Variants in DNAH11 observed in about 807,000 individuals in gnomAD.
DNAH11 encodes the protein dynein axonemal heavy chain 11.
DNAH11 carries 442 observed loss-of-function variants against 526.0 expected under a neutral mutation model. The ratio of observed to expected loss-of-function variants is 0.84; its 90% CI spans 0.78 to 0.91. The LOEUF is 0.91. DNAH11 is among the 40% of genes least tolerant of loss of function. The pLI is 0.00. For synonymous variants in DNAH11, 2,461 were observed against 1,935.9 expected (o/e 1.27, Z -7.12); for missense variants, 6,989 against 5,448.7 (o/e 1.28, Z -8.90).
At position 21,649,474 on chromosome 7, in the gene DNAH11, G is replaced by A. The variant is rs1288018837; in HGVS notation, c.4945-6358G>A. On this transcript the variant is annotated intron_variant, in intron 28 of 81. Transcript: ENST00000409508. ...AATACCACATAGCAATAAAAATGAA[G>A]AAAACCTAGTGGTATACCAAATAAC... 3.9e-5 allele frequency among the ~76,000 whole-genome samples: 6 copies of A among 152,060 alleles called. No individual in the cohort carries two copies. The East Asian group carries it at 1.2e-3, about 29-fold the overall frequency.
At chr7:21,751,351 G>C (rs1033602324) in intron 54 of DNAH11, among the ~76,000 whole-genome samples, 27 of 152,068 alleles carry the variant, frequency 1.8e-4, no homozygotes, top group African/African-American at 6.5e-4. Context: ...ATGCTCAGAT[G>C]TTCTGAAGGA....
At position 21,786,680 on chromosome 7, in the gene DNAH11, T is replaced by C; in HGVS notation, c.9654T>C (p.Val3218=). ...ACCCTCCCATCGCAGTTACCAATGT[T>C]ACTGCAGCCGTGATGGTCCTTCTGG... is the stretch of plus-strand genomic sequence containing the variant. ...FPNPPIAVTN[V]TAAVMVLLAP... Residue 3218 remains valine, a synonymous_variant, in exon 59 of 82, where the codon GTT becomes GTC. Transcript: ENST00000409508. The C allele has an allele frequency of 6.2e-7, 1 of 1,613,790 alleles. No homozygotes were observed. Among genetic ancestry groups the C allele is most frequent in the South Asian group, 1.1e-5 (1 of 91,028 alleles).
intron 54 of DNAH11, among the ~76,000 whole-genome samples, chr7:21,752,600 GT>G (rs1786461735): frequency 6.6e-6 from 1 of 152,028 alleles, no homozygotes; most frequent in Non-Finnish European, 1.5e-5. Context: ...TTTTTTAAAG[GT>G]TTACATGTTA....
chr7:21,718,050 C>A, intron 43 of DNAH11, 125 bp downstream of exon 43: 1 of 1,352,250 alleles, frequency 7.4e-7, no homozygotes, highest in Non-Finnish European at 1.0e-6. Context: ...TAGATTGCTG[C>A]AACCCTCTTG....
chr7:21,628,516 T>A (rs777290622), intron 25 of DNAH11, among the ~76,000 whole-genome samples: 2 of 152,202 alleles, frequency 1.3e-5, no homozygotes, highest in Admixed American at 1.3e-4. Flanking sequence ...TTGAATTTTA[T>A]CAAATGTCTT....
chr7:21,889,687 G>A (rs747107567), intron 76 of DNAH11, among the ~76,000 whole-genome samples: 7 of 152,136 alleles, frequency 4.6e-5, no homozygotes, highest in Non-Finnish European at 7.4e-5. Flanking sequence ...TTGGCCATTT[G>A]TGTATCTTCT....
intron 76 of DNAH11, 36 bp downstream of exon 76, chr7:21,884,446 C>T (rs933506358): frequency 1.3e-6 from 2 of 1,570,974 alleles, no homozygotes; most frequent in African/African-American, 1.4e-5. Flanking sequence ...AAATAAATTT[C>T]ACTGAGCAAA....
intron 62 of DNAH11, among the ~76,000 whole-genome samples, chr7:21,805,947 A>G (rs562003006): frequency 2.0e-5 from 3 of 152,340 alleles, no homozygotes; most frequent in South Asian, 2.1e-4. Context: ...AGCCATTCAG[A>G]CTAATAAATC....
intron 63 of DNAH11, among the ~76,000 whole-genome samples, chr7:21,814,443 C>G (rs1006525868): frequency 6.6e-6 from 1 of 150,636 alleles, no homozygotes; most frequent in Non-Finnish European, 1.5e-5. Flanking sequence ...TATACGTGTG[C>G]CATGCTGGTG....
Position 21,635,915 on chromosome 7 carries a change from C to T in DNAH11, c.4545C>T (p.Phe1515=), listed in dbSNP as rs1470537938. 6 of 1,612,968 alleles carry T rather than the reference C, an allele frequency of 3.7e-6. No individual in the cohort carries two copies. Among genetic ancestry groups the T allele is most frequent in the South Asian group, 1.1e-5 (1 of 90,814 alleles). ...TLLQSKYVEY[F]IEQVLSWQNK... is the part of the protein sequence containing the mutation. ...TTCAAAGCAAGTATGTAGAATATTT[C>T]ATTGAGCAAGTGTTAAGCTGGCAAA... Residue 1515 remains phenylalanine (F), a synonymous_variant, in exon 26 of 82, where the codon TTC becomes TTT. Coordinates refer to ENST00000409508, the MANE Select transcript of DNAH11 (RefSeq NM_001277115.2).
chr7:21,727,144 A>G (rs529244041), intron 45 of DNAH11, among the ~76,000 whole-genome samples: 9 of 151,642 alleles, frequency 5.9e-5, no homozygotes, highest in Admixed American at 2.6e-4. Flanking sequence ...CGTGTTAGCC[A>G]GGATGATCTC....
chr7:21,622,261 A>C (rs1471683645), intron 25 of DNAH11, among the ~76,000 whole-genome samples: 1 of 152,180 alleles, frequency 6.6e-6, no homozygotes, highest in Non-Finnish European at 1.5e-5. Flanking sequence ...CCAACTTACA[A>C]GGGATGTGAA....
intron 72 of DNAH11, 97 bp downstream of exon 72, chr7:21,868,104 C>CTTTTTTT: frequency 1.4e-6 from 1 of 697,256 alleles, no homozygotes; most frequent in Non-Finnish European, 1.9e-6. Flanking sequence ...ATCTTAGTTT[C>CTTTTTTT]TTTTTTTTTT....
chr7:21,681,711 A>T, intron 31 of DNAH11, 34 bp downstream of exon 31: 1 of 1,612,786 alleles, frequency 6.2e-7, no homozygotes. Context: ...TGTATTCATT[A>T]TTGTTTCCTG....
Position 21,884,387 on chromosome 7 carries a change from G to A in DNAH11, c.12484G>A (p.Glu4162Lys). ...WDRKLCRVYL[E>K]EFMNPSLTED... ...TCGCAAACTGTGTCGGGTGTATTTA[G>A]AAGAATTCATGAATCCATCTCTGGT... The change falls in exon 76 of 82, where the codon GAA becomes AAA. Residue 4162 changes from glutamate (E) to lysine (K), a missense_variant. By Grantham distance (56) the Glu-to-Lys change is moderately conservative. Transcript: ENST00000409508. 2 of 1,612,546 alleles carry A rather than the reference G, an allele frequency of 1.2e-6. No homozygotes were observed. Among genetic ancestry groups the A allele is most frequent in the Non-Finnish European group, 1.7e-6 (2 of 1,179,200 alleles).
chr7:21,725,882 G>A lies in DNAH11; in HGVS notation c.7338G>A (p.Gln2446=), dbSNP rs780214581. The change falls in exon 45 of 82, where the codon CAG becomes CAA. Residue 2446 remains glutamine, a synonymous_variant. Coordinates refer to ENST00000409508, the MANE Select transcript of DNAH11 (RefSeq NM_001277115.2). ...KEMKAVKFPS[Q]GTIFDYYVDH... is the part of the protein sequence containing the mutation. ...TGAAAGCAGTGAAATTTCCGTCGCA[G>A]GGAACAATCTTTGATTATTATGTGG... The A allele has an allele frequency of 3.1e-6, 5 of 1,607,506 alleles. No homozygotes were observed. In the South Asian group the frequency reaches 4.5e-5, roughly 14 times the overall value.
At chr7:21,728,237 C>CCTT (rs1785218570) in intron 45 of DNAH11, among the ~76,000 whole-genome samples, 1 of 58,870 alleles carries the variant, frequency 1.7e-5, no homozygotes, top group African/African-American at 7.7e-5. Flanking sequence ...GCCCACAATT[C>CCTT]TTTTTTTTTT....
At chr7:21,777,217 T>C (rs1423773699) in intron 56 of DNAH11, among the ~76,000 whole-genome samples, 1 of 152,206 alleles carries the variant, frequency 6.6e-6, no homozygotes, top group East Asian at 1.9e-4. Context: ...TCATTCAGCA[T>C]AATTCCCCTG....
chr7:21,633,205 C>T (rs916368691), intron 25 of DNAH11, among the ~76,000 whole-genome samples: 2 of 152,172 alleles, frequency 1.3e-5, no homozygotes, highest in Admixed American at 6.5e-5. Context: ...TGGGTGGGGA[C>T]ACAGCCAAAC....
Sources: allele counts gnomAD v4.1 joint callset (sites outside exome capture counted in the v4.1 genomes callset), GRCh38; gene constraint gnomAD v4.1.1; transcripts MANE v1.5; gene names NCBI Gene and HGNC (gene_info 2026-07-23, HGNC 2026-07-21).